Variants in ADHFE1 observed in about 807,000 individuals in gnomAD.
ADHFE1 encodes alcohol dehydrogenase iron containing 1.
Under a neutral mutation model 54.8 loss-of-function variants are expected in ADHFE1, and 37 were observed. The observed-to-expected ratio is 0.68, with a 90% CI of 0.52 to 0.89. The LOEUF is 0.89. Among genes scored for constraint, ADHFE1 ranks in the 40% least tolerant of loss-of-function variants. The pLI is 0.00. For missense variants in ADHFE1, 601 were observed against 591.2 expected (o/e 1.02, Z -0.17); for synonymous variants, 203 against 229.3 (o/e 0.89, Z 1.04).
At chr8:66,453,824 C>T in intron 9 of ADHFE1, 1 of 1,471,848 alleles carries the variant, frequency 6.8e-7, no homozygotes, top group Non-Finnish European at 9.2e-7. Flanking sequence ...TTTTACATCA[C>T]ATGAGCAGCT....
intron 10 of ADHFE1, among the ~76,000 whole-genome samples, chr8:66,454,877 C>G (rs1490725100): frequency 6.6e-6 from 1 of 152,034 alleles, no homozygotes. Flanking sequence ...CCATGCCCAG[C>G]TAATTTTTTT....
chr8:66,452,106 G>A lies in ADHFE1; in HGVS notation c.887+1G>A. ...GGATCGTGGCTAAGTATCTGAAGAG[G>A]TATGTCACCCCGAAGGGGATAGAAA... On this transcript the variant is annotated splice_donor_variant, in intron 9 of 13. Coordinates refer to ENST00000396623, the MANE Select transcript of ADHFE1 (RefSeq NM_144650.3). LOFTEE classifies it high-confidence loss of function. The A allele has an allele frequency of 6.2e-7, 1 of 1,613,912 alleles. No individual in the cohort carries two copies.
intron 13 of ADHFE1, among the ~76,000 whole-genome samples, chr8:66,467,547 T>C (rs369580408): frequency 6.6e-6 from 1 of 152,008 alleles, no homozygotes; most frequent in African/African-American, 2.4e-5. Context: ...CCCAAACACA[T>C]GCCAGCAATA....
intron 8 of ADHFE1, among the ~76,000 whole-genome samples, chr8:66,449,701 A>G (rs1354327195): frequency 1.3e-5 from 2 of 152,188 alleles, no homozygotes; most frequent in Admixed American, 1.3e-4. Context: ...GCATGTGCCA[A>G]ATGACCCTTG....
At chr8:66,457,659 T>A (rs1806660402) in intron 12 of ADHFE1, among the ~76,000 whole-genome samples, 1 of 152,118 alleles carries the variant, frequency 6.6e-6, no homozygotes, top group Non-Finnish European at 1.5e-5. Flanking sequence ...ATCCTGTTTC[T>A]TTAAAAACAT....
chr8:66,454,254 C>T lies in ADHFE1; in HGVS notation c.986+97C>T, dbSNP rs138405899. ...GGACAGGTGGTAAAATTTAAATATG[C>T]TATAGAAGGAAGAAATTTAACTTTA... On this transcript the variant is annotated intron_variant, in intron 10 of 13. Transcript: ENST00000396623. 1,473 of 1,190,564 alleles carry T rather than the reference C, an allele frequency of 1.2e-3. 15 individuals are homozygous for T. The African/African-American group carries it at 0.021, about 17-fold the overall frequency. The allele number at this position is 1,190,564 out of a possible 1,614,324, so 73.8% of individuals were successfully genotyped here. A position where few individuals can be genotyped will look rare whatever the true frequency, so the allele number is the denominator to read the frequency against.
At chr8:66,444,236 A>G in intron 3 of ADHFE1, 131 bp from the exon 4 acceptor site, 1 of 759,272 alleles carries the variant, frequency 1.3e-6, no homozygotes, top group Non-Finnish European at 2.2e-6. Flanking sequence ...CAGGTGGGAG[A>G]TGACCTGGAA....
intron 13 of ADHFE1, among the ~76,000 whole-genome samples, chr8:66,463,851 C>T (rs1417483973): frequency 6.6e-6 from 1 of 152,140 alleles, no homozygotes; most frequent in Non-Finnish European, 1.5e-5. Flanking sequence ...ACAACCAGGC[C>T]AGTATTCTTG....
At chr8:66,433,828 G>A (rs980183647) in intron 1 of ADHFE1, among the ~76,000 whole-genome samples, 2 of 152,180 alleles carry the variant, frequency 1.3e-5, no homozygotes, top group Non-Finnish European at 2.9e-5. Context: ...GACATGCAGG[G>A]CTCCAAGAAG....
Position 66,468,048 on chromosome 8 carries a change from G to A in ADHFE1, c.1321-221G>A, listed in dbSNP as rs1031758521. ...AGGCTGTTGCCAGGGCGTAAGGCAA[G>A]GGGCAGTGGCTTTCGAAAGCTCTGT... is the stretch of plus-strand genomic sequence containing the variant. On this transcript the variant is annotated intron_variant, in intron 13 of 13. Transcript: ENST00000396623. Among the ~76,000 whole-genome samples, 3 of 152,204 alleles carry A rather than the reference G, an allele frequency of 2.0e-5. No individual in the cohort carries two copies. The East Asian group carries it at 5.8e-4, about 29-fold the overall frequency.
intron 12 of ADHFE1, 81 bp downstream of exon 12, chr8:66,457,247 G>A: frequency 3.0e-6 from 4 of 1,347,126 alleles, no homozygotes; most frequent in Admixed American, 1.8e-5. Flanking sequence ...GGGAGGCTAA[G>A]TTGGGTGCAT....
At chr8:66,453,435 G>A (rs539393820) in intron 9 of ADHFE1, among the ~76,000 whole-genome samples, 136 of 152,318 alleles carry the variant, frequency 8.9e-4, no homozygotes, top group Non-Finnish European at 1.7e-3. Flanking sequence ...CTTCCCTGGG[G>A]CAAGGTTTTA....
intron 9 of ADHFE1, 79 bp from the exon 10 acceptor site, chr8:66,453,980 C>A: frequency 6.4e-7 from 1 of 1,553,766 alleles, no homozygotes. Context: ...TTCACCATAT[C>A]TTTCCCTAAG....
chr8:66,439,899 G>T lies in ADHFE1; in HGVS notation c.60-263G>T, dbSNP rs748903274. Among the ~76,000 whole-genome samples, 1 of 152,146 alleles carries T rather than the reference G, an allele frequency of 6.6e-6. No individual in the cohort carries two copies. Among genetic ancestry groups the T allele is most frequent in the South Asian group, 2.1e-4 (1 of 4,822 alleles). On this transcript the variant is annotated intron_variant, in intron 1 of 13. Transcript: ENST00000396623. The surrounding 1 kb of genome is among the most constrained non-coding windows in gnomAD (Gnocchi z 4.4). ...CCCAGAGCGTTTATCTCAGCTGCCC[G>T]CAGGCATTTGATAGGAATTGCTAGA...
intron 9 of ADHFE1, 37 bp downstream of exon 9, chr8:66,452,142 G>C: frequency 6.2e-7 from 1 of 1,607,182 alleles, no homozygotes. Context: ...TAGAACAGGA[G>C]GCCCACATTC....
In ADHFE1 at chr8:66,457,138, G is replaced by C. The variant is rs767623092; in HGVS notation, c.1134G>C (p.Glu378Asp). ...VFTFTAQMFP[E>D]RHLEMAEILG... Reference sequence around the variant, plus strand: ...CTTTCACGGCCCAGATGTTTCCAGAGCGACACCTGGAGATGGCAGAAATAC... The same window carrying C: ...CTTTCACGGCCCAGATGTTTCCAGACCGACACCTGGAGATGGCAGAAATAC... The change falls in exon 12 of 14, where the codon GAG becomes GAC. Residue 378 changes from glutamate (E) to aspartate (D), a missense_variant. Coordinates refer to ENST00000396623, the MANE Select transcript of ADHFE1 (RefSeq NM_144650.3). 5 of 1,613,408 alleles carry C rather than the reference G, an allele frequency of 3.1e-6. No individual in the cohort carries two copies. Among genetic ancestry groups the C allele is most frequent in the African/African-American group, 1.3e-5 (1 of 74,850 alleles).
At position 66,468,531 on chromosome 8, in the gene ADHFE1, A is replaced by C; in HGVS notation, c.*179A>C. 1 of 420,416 alleles carries C rather than the reference A, an allele frequency of 2.4e-6. No homozygotes were observed. Among genetic ancestry groups the C allele is most frequent in the Non-Finnish European group, 4.2e-6 (1 of 240,918 alleles). The allele number at this position is 420,416 out of a possible 1,614,324, so 26.0% of individuals were successfully genotyped here. A position where few individuals can be genotyped will look rare whatever the true frequency, so the allele number is the denominator to read the frequency against. On this transcript the variant is annotated 3_prime_UTR_variant, in exon 14 of 14. Coordinates refer to ENST00000396623, the MANE Select transcript of ADHFE1 (RefSeq NM_144650.3). Reference sequence around the variant, plus strand: ...GCTCAGAGTCCAGTTCCTTCCATAAAACAGGCTGGACAAATGACCACTATG... The same window carrying C: ...GCTCAGAGTCCAGTTCCTTCCATAACACAGGCTGGACAAATGACCACTATG...
intron 9 of ADHFE1, 100 bp downstream of exon 9, chr8:66,452,205 T>A: frequency 6.8e-7 from 1 of 1,461,416 alleles, no homozygotes; most frequent in Non-Finnish European, 9.1e-7. Flanking sequence ...TGAGCAGGTC[T>A]GTTCCAGAAA....
intron 7 of ADHFE1, 27 bp from the exon 8 acceptor site, chr8:66,448,836 AGC>A: frequency 6.3e-7 from 1 of 1,582,446 alleles, no homozygotes; most frequent in African/African-American, 1.3e-5. Context: ...CCATGGCTTT[AGC>A]CTCTACTGAA....
Sources: gnomAD v4.1 joint callset for allele counts (sites outside exome capture counted in the v4.1 genomes callset) on GRCh38, gnomAD v4.1.1 for gene constraint, Gnocchi (gnomAD v3.1) non-coding constraint, MANE v1.5 for transcripts, NCBI Gene and HGNC (gene_info 2026-07-23, HGNC 2026-07-21) for gene names.